The following NEDD4L variants were observed in gnomAD, a reference collection of about 807,000 sequenced individuals.
NEDD4L encodes E3 ubiquitin-protein ligase NEDD4-like.
NEDD4L carries 54 observed loss-of-function variants against 148.9 expected under a neutral mutation model. The ratio of observed to expected loss-of-function variants is 0.36; its 90% CI spans 0.29 to 0.45. NEDD4L has a LOEUF of 0.45. NEDD4L is among the 20% of genes least tolerant of loss of function. The pLI is 1.00. For missense variants in NEDD4L, 856 were observed against 1,233.8 expected, an observed-to-expected ratio of 0.69 and a Z score of 4.59; for synonymous variants, 433 against 440.7, an observed-to-expected ratio of 0.98 and a Z score of 0.22.
At position 58,323,274 on chromosome 18, in the gene NEDD4L, C is replaced by T. The variant is rs2059009774; in HGVS notation, c.453C>T (p.Ala151=). 6.2e-7 allele frequency: 1 copy of T among 1,605,400 alleles called. No homozygotes were observed. Among genetic ancestry groups the T allele is most frequent in the East Asian group, 2.2e-5 (1 of 44,746 alleles). Residue 151 remains alanine (A), a synonymous_variant, in exon 8 of 31, where the codon GCC becomes GCT. Transcript: ENST00000400345. ...RVKGFLRLKM[A]YMPKNGGQDE... The stretch of plus-strand genomic sequence containing the variant: ...AGGGATTTTTGCGATTGAAAATGGC[C>T]TATATGCCAAAAAATGGAGGTCAAG...
intron 5 of NEDD4L, among the ~76,000 whole-genome samples, chr18:58,302,467 A>G (rs2056606806): frequency 6.6e-6 from 1 of 152,182 alleles, no homozygotes. Context: ...CTCAAATTGC[A>G]CACACTGAAC....
chr18:58,218,842 A>G (rs185614434), intron 2 of NEDD4L, among the ~76,000 whole-genome samples: 1 of 152,272 alleles, frequency 6.6e-6, no homozygotes, highest in Admixed American at 6.5e-5. Flanking sequence ...TCATGGTGGC[A>G]GTTTTCATTT....
intron 1 of NEDD4L, among the ~76,000 whole-genome samples, chr18:58,066,070 G>A (rs1167446148): frequency 6.6e-6 from 1 of 152,196 alleles, no homozygotes. Context: ...AAGGAAACTT[G>A]GTAGATTAAA....
chr18:58,287,559 A>G (rs7243360), intron 5 of NEDD4L, among the ~76,000 whole-genome samples: 141,135 of 152,264 alleles, frequency 0.93, 65,444 homozygotes, highest in South Asian at 0.96. Flanking sequence ...ACTTCATAGA[A>G]CAGAATCTAA....
chr18:58,174,089 G>A (rs948891908), intron 2 of NEDD4L, among the ~76,000 whole-genome samples: 14 of 152,072 alleles, frequency 9.2e-5, no homozygotes, highest in African/African-American at 3.1e-4. Context: ...TTCTTGCATG[G>A]CACCCAAGAA....
intron 1 of NEDD4L, among the ~76,000 whole-genome samples, chr18:58,096,411 A>G (rs8084648): frequency 0.048 from 4,284 of 89,318 alleles, 299 homozygotes; most frequent in African/African-American, 0.18. Flanking sequence ...ATTTTATTTT[A>G]TTTTATTTAT....
At chr18:58,083,622 A>T (rs1841376239) in intron 1 of NEDD4L, among the ~76,000 whole-genome samples, 1 of 152,148 alleles carries the variant, frequency 6.6e-6, no homozygotes, top group Admixed American at 6.6e-5. Flanking sequence ...CGGGAGGCAG[A>T]GCTTGCAGTC....
intron 21 of NEDD4L, chr18:58,367,020 T>G (rs1165877809): frequency 6.6e-6 from 1 of 152,202 alleles, no homozygotes; most frequent in Non-Finnish European, 1.5e-5. Context: ...TGTTACTGAG[T>G]CCCATGAGAA....
intron 1 of NEDD4L, among the ~76,000 whole-genome samples, chr18:58,123,245 C>T (rs1230848683): frequency 6.6e-6 from 1 of 152,214 alleles, no homozygotes; most frequent in African/African-American, 2.4e-5. Flanking sequence ...TTCTTGACTT[C>T]TTCTGGTCCA....
At chr18:58,283,521 G>A (rs1267336534) in intron 5 of NEDD4L, among the ~76,000 whole-genome samples, 2 of 152,184 alleles carry the variant, frequency 1.3e-5, no homozygotes, top group Non-Finnish European at 2.9e-5. Flanking sequence ...AGAGAGATAT[G>A]CAATATTTGA....
rs747072217 is a variant in NEDD4L at position 58,329,054 on chromosome 18, G to A, written c.740G>A (p.Arg247Gln). The stretch of plus-strand genomic sequence containing the variant: ...CAGATCAACCAGGAGGCAGCACACC[G>A]GCGCTTCCGCTCCCGCAGGCACATC... ...IRQINQEAAH[R>Q]RFRSRRHISE... Residue 247 changes from arginine to glutamine, a missense_variant, in exon 10 of 31, where the codon CGG becomes CAG. Around this residue, in one of 4 missense-constraint regions of NEDD4L, gnomAD observed 367 missense variants for 422.7 expected, o/e 0.87. Transcript: ENST00000400345. 9.9e-6 allele frequency: 16 copies of A among 1,613,888 alleles called. No individual in the cohort carries two copies. The highest frequency in any genetic ancestry group is 1.2e-5 in the Non-Finnish European group (14 of 1,179,890).
chr18:58,155,272 A>G (rs1235934364), intron 1 of NEDD4L, among the ~76,000 whole-genome samples: 1 of 151,450 alleles, frequency 6.6e-6, no homozygotes, highest in Non-Finnish European at 1.5e-5. Context: ...GTGTTTTGAA[A>G]AAAAAAAAAG....
intron 5 of NEDD4L, among the ~76,000 whole-genome samples, chr18:58,308,532 C>T (rs888855975): frequency 6.6e-6 from 1 of 152,216 alleles, no homozygotes; most frequent in East Asian, 1.9e-4. Context: ...GCAGTCGTTT[C>T]CCCTAGATCT....
intron 1 of NEDD4L, among the ~76,000 whole-genome samples, chr18:58,127,793 A>G (rs1310997606): frequency 3.4e-5 from 5 of 147,412 alleles, no homozygotes; most frequent in African/African-American, 1.2e-4. Flanking sequence ...GTGAGCGGAC[A>G]TAGTGCCACT....
intron 25 of NEDD4L, among the ~76,000 whole-genome samples, chr18:58,383,777 A>G (rs1420279026): frequency 1.3e-5 from 2 of 152,222 alleles, no homozygotes; most frequent in Non-Finnish European, 2.9e-5. Flanking sequence ...GTGCAACCCT[A>G]AGGAATTCTT....
At chr18:58,049,976 C>CAA (rs34040455) in intron 1 of NEDD4L, among the ~76,000 whole-genome samples, 19 of 91,416 alleles carry the variant, frequency 2.1e-4, no homozygotes, top group African/African-American at 4.2e-4. Context: ...ACCCTGTCTC[C>CAA]AAAAAAAAAA....
intron 2 of NEDD4L, among the ~76,000 whole-genome samples, chr18:58,188,693 T>C (rs1037358140): frequency 6.6e-6 from 1 of 152,264 alleles, no homozygotes; most frequent in Admixed American, 6.5e-5. Flanking sequence ...GGCTTTGCAC[T>C]AACCTACCTG....
At chr18:58,099,327 T>C (rs1176872174) in intron 1 of NEDD4L, among the ~76,000 whole-genome samples, 1 of 152,232 alleles carries the variant, frequency 6.6e-6, no homozygotes, top group African/African-American at 2.4e-5. Flanking sequence ...CCTGTTGTCT[T>C]ACTCATCTGT....
In NEDD4L at chr18:58,400,897, TATATATAC is replaced by T. The variant is rs2050806080; in HGVS notation, c.*4637_*4644del. On this transcript the variant is annotated 3_prime_UTR_variant, in exon 31 of 31. Coordinates refer to ENST00000400345, the MANE Select transcript of NEDD4L (RefSeq NM_001144967.3). ...TCTTCCTTTACTACTCTGTATGTAATATATATACATATATACGTACATATGCTGTCCAA... is the reference window on the plus strand; with the variant it reads ...TCTTCCTTTACTACTCTGTATGTAATATATATACGTACATATGCTGTCCAA... 6.6e-6 allele frequency: 1 copy of T among 152,228 alleles called. No homozygotes were observed. Among genetic ancestry groups the T allele is most frequent in the Non-Finnish European group, 1.5e-5 (1 of 68,048 alleles). The allele number at this position is 152,228 out of a possible 1,614,324, so 9.4% of individuals were successfully genotyped here.
Sources: allele counts gnomAD v4.1 joint callset (sites outside exome capture counted in the v4.1 genomes callset), GRCh38; gene constraint gnomAD v4.1.1; regional missense constraint gnomAD v4.1.1; transcripts MANE v1.5; gene names NCBI Gene and HGNC (gene_info 2026-07-23, HGNC 2026-07-21).